The following FGD6 variants were observed in gnomAD, a reference collection of about 807,000 sequenced individuals.
FGD6 encodes FYVE, RhoGEF and PH domain containing 6.
A neutral mutation model predicts 149.4 loss-of-function variants in FGD6; 90 were observed. That is an observed-to-expected ratio of 0.60 (90% CI 0.51 to 0.72). The LOEUF (loss-of-function observed/expected upper bound fraction) is 0.72, where lower values mean the gene tolerates loss of function less well. Ranked by LOEUF, FGD6 falls within the 30% of genes least tolerant of loss-of-function variation. The pLI, the probability that FGD6 is intolerant of heterozygous loss-of-function variation, is 0.00. For missense variants in FGD6, 1,437 were observed against 1,684.8 expected (o/e 0.85, Z 2.57); for synonymous variants, 527 against 584.0 (o/e 0.90, Z 1.41).
chr12:95,165,591 G>T (rs575719478), intron 3 of FGD6, among the ~76,000 whole-genome samples: 2 of 151,798 alleles, frequency 1.3e-5, no homozygotes, highest in Admixed American at 1.3e-4. Flanking sequence ...GCCAGCCTCA[G>T]CCTCCCAAAG....
chr12:95,135,984 G>GA (rs1215865753), intron 7 of FGD6, among the ~76,000 whole-genome samples: 5 of 152,266 alleles, frequency 3.3e-5, no homozygotes, highest in South Asian at 2.1e-4. Flanking sequence ...AGGAAAAGAA[G>GA]AAAAAATTAC....
chr12:95,089,594 TTC>T lies in FGD6; in HGVS notation c.3951_3952del (p.Lys1319AsnfsTer28). On this transcript the variant is annotated frameshift_variant, in exon 18 of 21. Coordinates refer to ENST00000343958, the MANE Select transcript of FGD6 (RefSeq NM_018351.4). LOFTEE classifies it high-confidence loss of function. ...TTCTTTGAGAGCAGCTGGGATTTTT[TTC>T]TGTTTCCTCCCTGATGGAATGCTAT... 2 of 1,613,682 alleles carry T rather than the reference TTC, an allele frequency of 1.2e-6. No homozygotes were observed. Among genetic ancestry groups the T allele is most frequent in the Non-Finnish European group, 1.7e-6 (2 of 1,179,760 alleles).
At chr12:95,117,441 T>A (rs909783758) in intron 8 of FGD6, among the ~76,000 whole-genome samples, 1 of 151,946 alleles carries the variant, frequency 6.6e-6, no homozygotes, top group African/African-American at 2.4e-5. Flanking sequence ...TCTTTCTTTT[T>A]TTGGAGGGTC....
intron 8 of FGD6, among the ~76,000 whole-genome samples, chr12:95,123,533 T>C (rs2136249996): frequency 6.6e-6 from 1 of 152,018 alleles, no homozygotes; most frequent in East Asian, 1.9e-4. Flanking sequence ...CAGAATGTTC[T>C]AAGAAGAGGC....
chr12:95,169,507 G>A (rs928390390), intron 3 of FGD6, among the ~76,000 whole-genome samples: 10 of 152,112 alleles, frequency 6.6e-5, no homozygotes, highest in Admixed American at 2.0e-4. Context: ...CGCAGAGGAA[G>A]GAACCCTGGG....
chr12:95,170,073 A>T (rs1176738077), intron 3 of FGD6, among the ~76,000 whole-genome samples: 1 of 152,072 alleles, frequency 6.6e-6, no homozygotes, highest in African/African-American at 2.4e-5. Context: ...GTGAGCCGAG[A>T]TAGTGCCACT....
rs2056707333 is a variant in FGD6 at position 95,209,025 on chromosome 12, A to G, written c.2259T>C (p.His753=). 2 of 1,613,960 alleles carry G rather than the reference A, an allele frequency of 1.2e-6. No homozygotes were observed. Among genetic ancestry groups the G allele is most frequent in the African/African-American group, 1.3e-5 (1 of 74,872 alleles). ...TCTCGTACTCTGGTATTTCCTCATA[A>G]TGGCGTATATTTTCATACTCCGGTG... ...LCAPEYENIR[H]YEEIPEYENL... is the part of the protein sequence containing the mutation. The change falls in exon 2 of 21, where the codon CAT becomes CAC. Residue 753 remains histidine (H), a synonymous_variant. Coordinates refer to ENST00000343958, the MANE Select transcript of FGD6 (RefSeq NM_018351.4).
intron 7 of FGD6, among the ~76,000 whole-genome samples, chr12:95,136,385 CA>C (rs1879667861): frequency 1.3e-5 from 2 of 151,958 alleles, no homozygotes; most frequent in Non-Finnish European, 2.9e-5. Flanking sequence ...CAAAAACAAA[CA>C]AACAAAAAAA....
chr12:95,083,040 T>C (rs7487940), intron 20 of FGD6, among the ~76,000 whole-genome samples: 5,702 of 74,204 alleles, frequency 0.077, 294 homozygotes, highest in Middle Eastern at 0.15. Context: ...TACACACACA[T>C]ACACACACAC....
intron 5 of FGD6, among the ~76,000 whole-genome samples, chr12:95,145,776 C>T (rs1455688127): frequency 2.6e-5 from 4 of 151,994 alleles, no homozygotes; most frequent in African/African-American, 7.3e-5. Context: ...TGGGTTCAAG[C>T]GATTCTACTG....
chr12:95,148,178 C>A (rs1312415523), intron 5 of FGD6, among the ~76,000 whole-genome samples: 3 of 150,422 alleles, frequency 2.0e-5, no homozygotes. Context: ...GAAAATGGTT[C>A]ACAAGACTCA....
chr12:95,194,131 C>G (rs1215458296), intron 2 of FGD6, among the ~76,000 whole-genome samples: 2 of 151,688 alleles, frequency 1.3e-5, no homozygotes, highest in Non-Finnish European at 2.9e-5. Context: ...CGCCAAGTTG[C>G]CCAGGTTGGT....
chr12:95,141,327 C>A, intron 6 of FGD6, 61 bp downstream of exon 6: 1 of 1,526,412 alleles, frequency 6.6e-7, no homozygotes, highest in Non-Finnish European at 9.0e-7. Flanking sequence ...ACATGTGGGG[C>A]CCTTATGGCT....
In FGD6 at chr12:95,209,402, TAA is replaced by T. The variant is rs1437166106; in HGVS notation, c.1880_1881del (p.Phe627Ter). On this transcript the variant is annotated frameshift_variant, in exon 2 of 21. Transcript: ENST00000343958. LOFTEE classifies it high-confidence loss of function. The part of the protein sequence containing the change: ...PCKDSTKKNS[F>X]KKLLSMKLSI... ...GACAGTTTCATGCTGAGCAACTTTT[TAA>T]AAGAGTTTTTCTTTGTAGAGTCTTT... is the stretch of plus-strand genomic sequence containing the variant. 3 of 1,612,956 alleles carry T rather than the reference TAA, an allele frequency of 1.9e-6. No homozygotes were observed. The highest frequency in any genetic ancestry group is 2.2e-5 in the East Asian group (1 of 44,870).
intron 14 of FGD6, 92 bp downstream of exon 14, chr12:95,104,915 A>G (rs1198270417): frequency 1.8e-6 from 2 of 1,130,796 alleles, no homozygotes; most frequent in Admixed American, 4.8e-5. Flanking sequence ...GCTGTCTCAA[A>G]AAAAACCAAA....
At chr12:95,158,883 T>C (rs774554422) in intron 3 of FGD6, among the ~76,000 whole-genome samples, 3 of 151,262 alleles carry the variant, frequency 2.0e-5, no homozygotes, top group Non-Finnish European at 4.4e-5. Flanking sequence ...ATAATAATAA[T>C]AACATAAATA....
intron 13 of FGD6, among the ~76,000 whole-genome samples, chr12:95,105,791 C>T (rs1051031488): frequency 4.6e-5 from 7 of 152,108 alleles, no homozygotes; most frequent in African/African-American, 7.2e-5. Context: ...TGGGATGCGA[C>T]GGTGGGTGGA....
At chr12:95,187,663 CA>C (rs994279044) in intron 2 of FGD6, among the ~76,000 whole-genome samples, 42 of 137,114 alleles carry the variant, frequency 3.1e-4, no homozygotes, top group South Asian at 4.6e-4. Flanking sequence ...AAAAAAAAAA[CA>C]AAAAAAAAAA....
Position 95,113,709 on chromosome 12 carries a change from A to T in FGD6, c.3083-8T>A, listed in dbSNP as rs1565899334. The T allele has an allele frequency of 3.2e-6, 5 of 1,565,096 alleles. No homozygotes were observed. In the East Asian group the frequency reaches 1.1e-4, roughly 35 times the overall value. The stretch of plus-strand genomic sequence containing the variant: ...TGAGATTCTTCAAATAATCTAGAAA[A>T]GAAGAAAAAAAAGTATTTAAGTACA... On this transcript the variant is annotated splice_region_variant and splice_polypyrimidine_tract_variant and intron_variant, in intron 8 of 20. Coordinates refer to ENST00000343958, the MANE Select transcript of FGD6 (RefSeq NM_018351.4).
Sources: allele counts gnomAD v4.1 joint callset (sites outside exome capture counted in the v4.1 genomes callset), GRCh38; gene constraint gnomAD v4.1.1; transcripts MANE v1.5; gene names NCBI Gene and HGNC (gene_info 2026-07-23, HGNC 2026-07-21).